Variants in SLC44A5 observed in about 807,000 individuals in gnomAD.
SLC44A5 encodes the protein choline transporter-like protein 5.
Under a neutral mutation model 101.8 loss-of-function variants are expected in SLC44A5, and 57 were observed. The observed-to-expected ratio is 0.56, with a 90% confidence interval of 0.45 to 0.70. SLC44A5 has a LOEUF of 0.70. SLC44A5 is among the 30% of genes least tolerant of loss of function. The probability of loss-of-function intolerance (pLI) is 0.00; values close to 1 mark genes in which losing one functional copy is unlikely to be tolerated. For missense variants in SLC44A5, 737 were observed against 853.1 expected (o/e 0.86, Z 1.70); for synonymous variants, 281 against 290.9 (o/e 0.97, Z 0.35).
At chr1:75,480,175 A>G (rs1188764238) in intron 2 of SLC44A5, among the ~76,000 whole-genome samples, 4 of 152,262 alleles carry the variant, frequency 2.6e-5, no homozygotes, top group Admixed American at 1.3e-4. Context: ...CAATAGATGC[A>G]GAAAAGGCCT....
chr1:75,647,850 T>A, the SLC44A5 span, among the ~76,000 whole-genome samples: 2 of 152,216 alleles, frequency 1.3e-5, no homozygotes, highest in Non-Finnish European at 2.9e-5. Flanking sequence ...GCTTTTGATT[T>A]TACAGGCTCC....
intron 5 of SLC44A5, among the ~76,000 whole-genome samples, chr1:75,286,448 G>A (rs1653055637): frequency 6.6e-6 from 1 of 152,070 alleles, no homozygotes; most frequent in African/African-American, 2.4e-5. Context: ...CTTTTAAGTG[G>A]AGCATTTACA....
At chr1:75,662,659 A>T in the SLC44A5 span, among the ~76,000 whole-genome samples, 1 of 145,204 alleles carries the variant, frequency 6.9e-6, no homozygotes, top group Non-Finnish European at 1.5e-5. Context: ...TATAAATTTT[A>T]AAAATTAGAT....
At chr1:75,707,082 C>G in the SLC44A5 span, among the ~76,000 whole-genome samples, 1 of 152,080 alleles carries the variant, frequency 6.6e-6, no homozygotes, top group African/African-American at 2.4e-5. Context: ...GATATGGTAA[C>G]AGAAAATTGA....
intron 2 of SLC44A5, among the ~76,000 whole-genome samples, chr1:75,403,521 T>C (rs980038640): frequency 6.6e-6 from 1 of 152,172 alleles, no homozygotes; most frequent in Non-Finnish European, 1.5e-5. Context: ...ATCTTTGCTA[T>C]TCTGCAGCCT....
chr1:75,515,507 A>G (rs1057109433), intron 2 of SLC44A5, among the ~76,000 whole-genome samples: 2 of 152,178 alleles, frequency 1.3e-5, no homozygotes, highest in East Asian at 1.9e-4. Context: ...TAGATTCCAC[A>G]TGTAGGTAAG....
chr1:75,490,364 C>A (rs892125450), intron 2 of SLC44A5, among the ~76,000 whole-genome samples: 3 of 152,120 alleles, frequency 2.0e-5, no homozygotes, highest in Admixed American at 6.6e-5. Context: ...TTTAGGATAT[C>A]TTTGTGAATT....
chr1:75,631,322 T>C, the SLC44A5 span, among the ~76,000 whole-genome samples: 1 of 152,114 alleles, frequency 6.6e-6, no homozygotes, highest in African/African-American at 2.4e-5. Flanking sequence ...ACCATATCCT[T>C]TCTTGTATTA....
chr1:75,492,697 C>A (rs1253854068), intron 2 of SLC44A5, among the ~76,000 whole-genome samples: 1 of 152,114 alleles, frequency 6.6e-6, no homozygotes, highest in Non-Finnish European at 1.5e-5. Context: ...CTAGAACAAG[C>A]TTAGAATTAA....
intron 23 of SLC44A5, among the ~76,000 whole-genome samples, chr1:75,208,603 A>G (rs1464623373): frequency 6.6e-6 from 1 of 152,212 alleles, no homozygotes; most frequent in African/African-American, 2.4e-5. Flanking sequence ...TGTGGATGGA[A>G]GACATAAACG....
At chr1:75,265,685 G>T (rs1650926624) in intron 6 of SLC44A5, among the ~76,000 whole-genome samples, 1 of 152,016 alleles carries the variant, frequency 6.6e-6, no homozygotes, top group African/African-American at 2.4e-5. Flanking sequence ...CCCATAGATA[G>T]GTACAAATAT....
chr1:75,551,282 C>A (rs12137501), intron 1 of SLC44A5, among the ~76,000 whole-genome samples: 62,754 of 151,790 alleles, frequency 0.41, 13,357 homozygotes, highest in Non-Finnish European at 0.46. Flanking sequence ...CAGGGAGGGA[C>A]CTGTCTGGTT....
chr1:75,412,173 T>A (rs1403322378), intron 2 of SLC44A5, among the ~76,000 whole-genome samples: 1 of 152,224 alleles, frequency 6.6e-6, no homozygotes, highest in Non-Finnish European at 1.5e-5. Context: ...TTATTTCTAA[T>A]CATCTTTAAA....
chr1:75,273,162 G>GTTC (rs777210092), intron 6 of SLC44A5, among the ~76,000 whole-genome samples: 14 of 151,996 alleles, frequency 9.2e-5, no homozygotes, highest in Non-Finnish European at 1.9e-4. Context: ...AAGGAATTGA[G>GTTC]TTCTTGATTT....
At chr1:75,715,480 G>T in the SLC44A5 span, among the ~76,000 whole-genome samples, 1 of 152,128 alleles carries the variant, frequency 6.6e-6, no homozygotes, top group African/African-American at 2.4e-5. Flanking sequence ...AGAGAGCCCA[G>T]AAGTAAAGCT....
At chr1:75,371,798 C>A (rs1660243651) in intron 3 of SLC44A5, among the ~76,000 whole-genome samples, 1 of 152,170 alleles carries the variant, frequency 6.6e-6, no homozygotes, top group Non-Finnish European at 1.5e-5. Flanking sequence ...CTTCTAAAGG[C>A]TGTTTTTCAC....
intron 3 of SLC44A5, among the ~76,000 whole-genome samples, chr1:75,370,432 A>G (rs1413851769): frequency 1.3e-5 from 2 of 152,174 alleles, no homozygotes; most frequent in African/African-American, 4.8e-5. Context: ...AATATTTCCA[A>G]CCACAGTTTC....
intron 1 of SLC44A5, among the ~76,000 whole-genome samples, chr1:75,608,423 A>G (rs1340881905): frequency 6.6e-6 from 1 of 151,804 alleles, no homozygotes; most frequent in Admixed American, 6.6e-5. Context: ...ATTGCAAAAG[A>G]TTCCTTACTA....
intron 5 of SLC44A5, among the ~76,000 whole-genome samples, chr1:75,277,564 G>A (rs1652028119): frequency 6.6e-6 from 1 of 152,058 alleles, no homozygotes; most frequent in Admixed American, 6.6e-5. Context: ...GTTAACAGGG[G>A]GAAAACAAGG....
Sources: gnomAD v4.1 joint callset for allele counts (sites outside exome capture counted in the v4.1 genomes callset) on GRCh38, gnomAD v4.1.1 for gene constraint, MANE v1.5 for transcripts, NCBI Gene and HGNC (gene_info 2026-07-23, HGNC 2026-07-21) for gene names.